Variants in LRRC37A2 observed in about 807,000 individuals in gnomAD.
The protein encoded by LRRC37A2 is leucine rich repeat containing 37 member A2.
In LRRC37A2, 9 loss-of-function variants were observed where a neutral mutation model predicts 68.8. The ratio of observed to expected loss-of-function variants is 0.13; its 90% CI spans 0.08 to 0.23. The LOEUF (loss-of-function observed/expected upper bound fraction) is 0.23, where lower values mean the gene tolerates loss of function less well. Among genes scored for constraint, LRRC37A2 ranks in the 10% least tolerant of loss-of-function variants. The pLI is 1.00. For synonymous variants in LRRC37A2, 63 were observed against 367.6 expected, an observed-to-expected ratio of 0.17 and a Z score of 9.48; for missense variants, 168 against 950.4, an observed-to-expected ratio of 0.18 and a Z score of 10.82.
the LRRC37A2 span, among the ~76,000 whole-genome samples, chr17:46,925,526 A>C: frequency 5.9e-5 from 9 of 152,220 alleles, no homozygotes; most frequent in African/African-American, 1.9e-4. Flanking sequence ...ATTTTTCCTC[A>C]TCTGTAGAAT....
chr17:46,912,971 TG>T, the LRRC37A2 span, among the ~76,000 whole-genome samples: 1 of 152,198 alleles, frequency 6.6e-6, no homozygotes, highest in Non-Finnish European at 1.5e-5. Context: ...TTAATTTCTC[TG>T]AAGTTTAGTG....
At chr17:46,854,327 G>A in the LRRC37A2 span, among the ~76,000 whole-genome samples, 109 of 152,276 alleles carry the variant, frequency 7.2e-4, no homozygotes, top group African/African-American at 2.4e-3. Context: ...TTCTTCCTCC[G>A]CAGTCATTTG....
chr17:46,844,774 G>T, the LRRC37A2 span, among the ~76,000 whole-genome samples: 8 of 152,032 alleles, frequency 5.3e-5, no homozygotes, highest in Non-Finnish European at 1.0e-4. Context: ...TAAACTTCTA[G>T]TCCCTAAGAA....
At chr17:46,729,018 A>G in the LRRC37A2 span, 1 of 838,816 alleles carries the variant, frequency 1.2e-6, no homozygotes, top group East Asian at 2.7e-5. Flanking sequence ...TTAAATAAGC[A>G]GGTTATCATA....
chr17:46,746,339 G>A, the LRRC37A2 span, among the ~76,000 whole-genome samples: 1 of 152,246 alleles, frequency 6.6e-6, no homozygotes, highest in African/African-American at 2.4e-5. Context: ...TCTTTGATCT[G>A]CATTGGTTTA....
At chr17:46,811,104 G>A in the LRRC37A2 span, among the ~76,000 whole-genome samples, 1 of 152,156 alleles carries the variant, frequency 6.6e-6, no homozygotes, top group South Asian at 2.1e-4. Context: ...CCTCCCGGCT[G>A]TACAGGCCAG....
At chr17:46,994,483 T>C in the LRRC37A2 span, among the ~76,000 whole-genome samples, 1 of 152,106 alleles carries the variant, frequency 6.6e-6, no homozygotes, top group Non-Finnish European at 1.5e-5. Context: ...TCTGAAGTTC[T>C]GGATAATGTT....
At chr17:46,770,184 G>A in the LRRC37A2 span, 3 of 1,230,450 alleles carry the variant, frequency 2.4e-6, no homozygotes, top group Admixed American at 2.9e-5. Flanking sequence ...GAGGCAAGAG[G>A]GAGGCAGCTT....
At chr17:46,638,632 C>T in the LRRC37A2 span, among the ~76,000 whole-genome samples, 3 of 137,022 alleles carry the variant, frequency 2.2e-5, 1 homozygote, top group African/African-American at 8.9e-5. Context: ...CCGCCTTGAC[C>T]TCCCAAAGTG....
chr17:46,717,135 T>C, the LRRC37A2 span, among the ~76,000 whole-genome samples: 1 of 152,198 alleles, frequency 6.6e-6, no homozygotes, highest in East Asian at 1.9e-4. Context: ...GTGACACATA[T>C]ACACTGTGGA....
the LRRC37A2 span, among the ~76,000 whole-genome samples, chr17:47,027,875 G>C: frequency 6.6e-6 from 1 of 152,154 alleles, no homozygotes; most frequent in Non-Finnish European, 1.5e-5. Flanking sequence ...GTAATGTCCG[G>C]AGACAGTTTT....
the LRRC37A2 span, among the ~76,000 whole-genome samples, chr17:46,703,747 A>C: frequency 6.6e-6 from 1 of 150,522 alleles, no homozygotes; most frequent in African/African-American, 2.4e-5. Context: ...AACCATTTTA[A>C]ATGTACAATT....
At chr17:46,679,424 G>A in the LRRC37A2 span, among the ~76,000 whole-genome samples, 7 of 133,968 alleles carry the variant, frequency 5.2e-5, no homozygotes, top group East Asian at 1.0e-3. Context: ...GGAAAAAAAC[G>A]TTTGGGAAGT....
the LRRC37A2 span, among the ~76,000 whole-genome samples, chr17:47,022,991 A>C: frequency 6.6e-6 from 1 of 152,186 alleles, no homozygotes; most frequent in Non-Finnish European, 1.5e-5. Context: ...TGCCTTCAAA[A>C]ATTTTGTGCC....
the LRRC37A2 span, chr17:47,018,185 G>A: frequency 6.2e-7 from 1 of 1,604,786 alleles, no homozygotes; most frequent in Middle Eastern, 1.7e-4. Context: ...AGTTTCCAGA[G>A]GAGGTGGAAC....
the LRRC37A2 span, among the ~76,000 whole-genome samples, chr17:46,771,895 C>A: frequency 6.9e-6 from 1 of 144,478 alleles, no homozygotes; most frequent in Non-Finnish European, 1.5e-5. Context: ...CCCGCCCCTG[C>A]CCCCGCCCCC....
the LRRC37A2 span, among the ~76,000 whole-genome samples, chr17:46,797,028 G>A: frequency 6.6e-6 from 1 of 152,102 alleles, no homozygotes; most frequent in Admixed American, 6.5e-5. Context: ...TGGGAAAAGG[G>A]CTCCAAGGTT....
At chr17:46,552,886 A>T (rs1761967135) in intron 11 of LRRC37A2, among the ~76,000 whole-genome samples, 1 of 144,936 alleles carries the variant, frequency 6.9e-6, no homozygotes, top group East Asian at 2.0e-4. Flanking sequence ...CCTTGTCTTT[A>T]TTAAAAATTA....
chr17:46,809,672 C>T, the LRRC37A2 span, among the ~76,000 whole-genome samples: 10 of 152,198 alleles, frequency 6.6e-5, no homozygotes, highest in Non-Finnish European at 1.3e-4. Context: ...TCCCATGTGT[C>T]CCTGGTTGGA....
Sources: allele counts gnomAD v4.1 joint callset (sites outside exome capture counted in the v4.1 genomes callset), GRCh38; gene constraint gnomAD v4.1.1; transcripts MANE v1.5; gene names NCBI Gene and HGNC (gene_info 2026-07-23, HGNC 2026-07-21).